Variants in ARHGEF28 observed in about 807,000 individuals in gnomAD.
ARHGEF28 encodes the protein Rho guanine nucleotide exchange factor 28.
In ARHGEF28, 152 loss-of-function variants were observed where a neutral mutation model predicts 206.6. The observed-to-expected ratio is 0.74, with a 90% confidence interval of 0.64 to 0.84. The LOEUF is 0.84. ARHGEF28 is among the 40% of genes least tolerant of loss of function. The pLI is 0.00. For synonymous variants in ARHGEF28, 763 were observed against 776.4 expected (o/e 0.98, Z 0.29); for missense variants, 2,028 against 2,073.2 (o/e 0.98, Z 0.42).
At chr5:73,757,492 C>T (rs960258660) in intron 4 of ARHGEF28, among the ~76,000 whole-genome samples, 1 of 152,118 alleles carries the variant, frequency 6.6e-6, no homozygotes, top group Non-Finnish European at 1.5e-5. Context: ...GTATTCTTTG[C>T]ATTTTATAAT....
intron 35 of ARHGEF28, among the ~76,000 whole-genome samples, chr5:73,929,934 T>C (rs1764012866): frequency 6.6e-6 from 1 of 152,160 alleles, no homozygotes; most frequent in East Asian, 1.9e-4. Context: ...ACTTGGTTTT[T>C]TTCATATTCA....
chr5:73,767,239 G>C (rs6866806), intron 4 of ARHGEF28, among the ~76,000 whole-genome samples: 3,040 of 151,938 alleles, frequency 0.02, 117 homozygotes, highest in African/African-American at 0.07. Context: ...TGGATTAATA[G>C]AGTAAATTGG....
At chr5:73,733,885 C>G (rs965641319) in intron 2 of ARHGEF28, among the ~76,000 whole-genome samples, 1 of 152,086 alleles carries the variant, frequency 6.6e-6, no homozygotes, top group African/African-American at 2.4e-5. Flanking sequence ...GGGGAGGCCT[C>G]AGAAAACTTA....
At chr5:73,677,241 T>C (rs1187790029) in intron 1 of ARHGEF28, among the ~76,000 whole-genome samples, 1 of 152,228 alleles carries the variant, frequency 6.6e-6, no homozygotes, top group Non-Finnish European at 1.5e-5. Flanking sequence ...AGCATTGGCT[T>C]CTTCATATAA....
chr5:73,773,936 C>CG lies in ARHGEF28; in HGVS notation c.563dup (p.Val189SerfsTer21). 1.2e-6 allele frequency: 2 copies of CG among 1,607,472 alleles called. No homozygotes were observed. The highest frequency in any genetic ancestry group is 1.7e-6 in the Non-Finnish European group (2 of 1,176,818). ...CTTTCCCAGTTCTTCTTGTGTCTCC[C>CG]GGGGGGAGTCCAGGCCTTGGCTTTA... On this transcript the variant is annotated frameshift_variant, in exon 5 of 36. Coordinates refer to ENST00000513042, the MANE Select transcript of ARHGEF28 (RefSeq NM_001177693.2). LOFTEE classifies it high-confidence loss of function.
At chr5:73,771,259 C>G (rs1039609738) in intron 4 of ARHGEF28, among the ~76,000 whole-genome samples, 1 of 152,018 alleles carries the variant, frequency 6.6e-6, no homozygotes, top group African/African-American at 2.4e-5. Flanking sequence ...AAATTCCATC[C>G]GGGCTGGGTG....
intron 1 of ARHGEF28, among the ~76,000 whole-genome samples, chr5:73,653,443 G>C (rs1744960874): frequency 6.6e-6 from 1 of 152,192 alleles, no homozygotes; most frequent in Non-Finnish European, 1.5e-5. Context: ...GTAGGAGTTT[G>C]AGGATATATG....
chr5:73,929,732 A>T (rs1318924672), intron 35 of ARHGEF28, among the ~76,000 whole-genome samples: 1 of 152,130 alleles, frequency 6.6e-6, no homozygotes, highest in Non-Finnish European at 1.5e-5. Context: ...GCCCTTACCC[A>T]TATCTTTTCC....
chr5:73,644,881 A>G (rs1337194906), intron 1 of ARHGEF28, among the ~76,000 whole-genome samples: 2 of 152,202 alleles, frequency 1.3e-5, no homozygotes, highest in East Asian at 1.9e-4. Context: ...AAGATTTTCT[A>G]TGGAAATCAT....
At chr5:73,890,120 C>T (rs947070094) in intron 26 of ARHGEF28, among the ~76,000 whole-genome samples, 12 of 152,186 alleles carry the variant, frequency 7.9e-5, no homozygotes, top group Non-Finnish European at 1.3e-4. Context: ...AATGTTTGTT[C>T]ATCTCCAGTG....
chr5:73,769,027 C>T (rs915844566), intron 4 of ARHGEF28, among the ~76,000 whole-genome samples: 1 of 152,122 alleles, frequency 6.6e-6, no homozygotes, highest in South Asian at 2.1e-4. Context: ...CTTTTGCCTT[C>T]CACCATGATT....
intron 9 of ARHGEF28, among the ~76,000 whole-genome samples, chr5:73,796,467 T>C (rs1351677292): frequency 6.6e-6 from 1 of 152,236 alleles, no homozygotes; most frequent in Non-Finnish European, 1.5e-5. Context: ...ACCGTGAGCC[T>C]ACACGTGCAT....
At chr5:73,719,863 T>C (rs148423634) in intron 2 of ARHGEF28, among the ~76,000 whole-genome samples, 92 of 152,376 alleles carry the variant, frequency 6.0e-4, no homozygotes, top group African/African-American at 2.1e-3. Context: ...GGATTACTAG[T>C]GTAATCGAGG....
rs141321741 is a variant in ARHGEF28 at position 73,916,006 on chromosome 5, G to T, written c.4948+4431G>T. Among the ~76,000 whole-genome samples the T allele has an allele frequency of 5.2e-3, 788 of 152,254 alleles. 4 individuals carry two copies. Among genetic ancestry groups the T allele is most frequent in the Non-Finnish European group, 8.6e-3 (585 of 68,020 alleles). On this transcript the variant is annotated intron_variant, in intron 35 of 35. Transcript: ENST00000513042. ...CTTTTACTACATATTAGAATTTGGTGCCAAGGAAACTATTTTCAAAATTCA... is the reference window on the plus strand; with the variant it reads ...CTTTTACTACATATTAGAATTTGGTTCCAAGGAAACTATTTTCAAAATTCA...
intron 1 of ARHGEF28, among the ~76,000 whole-genome samples, chr5:73,672,792 T>C (rs905569726): frequency 6.6e-6 from 1 of 152,340 alleles, no homozygotes; most frequent in South Asian, 2.1e-4. Context: ...CTTAATCACT[T>C]TGTGTGCAAA....
intron 1 of ARHGEF28, among the ~76,000 whole-genome samples, chr5:73,630,448 A>G (rs1743295876): frequency 6.6e-6 from 1 of 152,200 alleles, no homozygotes. Context: ...ACCTGCTTCA[A>G]CTGTTGTGAG....
Position 73,846,319 on chromosome 5 carries a change from G to A in ARHGEF28, c.1479G>A (p.Glu493=), listed in dbSNP as rs774173227. 2 of 1,613,790 alleles carry A rather than the reference G, an allele frequency of 1.2e-6. No homozygotes were observed. The highest frequency in any genetic ancestry group is 1.1e-5 in the South Asian group (1 of 91,070). ...ACAGTGAAGGGGAAGGGCATTCTGAGCCATCCCACATCTGTTACACTCCAG... is the reference window on the plus strand; with the variant it reads ...ACAGTGAAGGGGAAGGGCATTCTGAACCATCCCACATCTGTTACACTCCAG... The part of the protein sequence containing the change: ...DADSEGEGHS[E]PSHICYTPGS... The change falls in exon 12 of 36, where the codon GAG becomes GAA. Residue 493 remains glutamate, a synonymous_variant. Transcript: ENST00000513042.
At chr5:73,918,919 A>G (rs1017867498) in intron 35 of ARHGEF28, among the ~76,000 whole-genome samples, 1 of 152,156 alleles carries the variant, frequency 6.6e-6, no homozygotes, top group Non-Finnish European at 1.5e-5. Flanking sequence ...TGTATCTAAC[A>G]TTCTTCTTAG....
At chr5:73,767,911 C>A (rs1752992947) in intron 4 of ARHGEF28, among the ~76,000 whole-genome samples, 1 of 152,138 alleles carries the variant, frequency 6.6e-6, no homozygotes, top group African/African-American at 2.4e-5. Flanking sequence ...GGCCCAGGGT[C>A]CCCATGTTGT....
Sources: allele counts gnomAD v4.1 joint callset (sites outside exome capture counted in the v4.1 genomes callset), GRCh38; gene constraint gnomAD v4.1.1; transcripts MANE v1.5; gene names NCBI Gene and HGNC (gene_info 2026-07-23, HGNC 2026-07-21).